MAPK10: variants seen among roughly 807,000 people sequenced by gnomAD.
MAPK10 encodes the protein mitogen-activated protein kinase 10.
MAPK10 carries 25 observed loss-of-function variants against 59.3 expected under a neutral mutation model. The observed-to-expected ratio is 0.42, with a 90% CI of 0.31 to 0.59. The LOEUF is 0.59. Ranked by LOEUF, MAPK10 falls within the 20% of genes least tolerant of loss-of-function variation. The pLI, the probability that MAPK10 is intolerant of heterozygous loss-of-function variation, is 0.15. For synonymous variants in MAPK10, 190 were observed against 200.5 expected, an observed-to-expected ratio of 0.95 and a Z score of 0.44; for missense variants, 351 against 568.9, an observed-to-expected ratio of 0.62 and a Z score of 3.90.
At chr4:86,579,376 C>A (rs979426592) in intron 1 of MAPK10, among the ~76,000 whole-genome samples, 17 of 152,070 alleles carry the variant, frequency 1.1e-4, no homozygotes, top group African/African-American at 4.1e-4. Flanking sequence ...TAAAAGATAT[C>A]AGCATACAGT....
chr4:86,037,763 A>G (rs916492332), intron 11 of MAPK10, among the ~76,000 whole-genome samples: 7 of 152,252 alleles, frequency 4.6e-5, no homozygotes, highest in Admixed American at 6.5e-5. Context: ...CTGAGAAAGC[A>G]TAAGTGATTT....
At chr4:86,050,038 A>G (rs1351723946) in intron 11 of MAPK10, among the ~76,000 whole-genome samples, 1 of 152,032 alleles carries the variant, frequency 6.6e-6, no homozygotes, top group African/African-American at 2.4e-5. Flanking sequence ...ATTAACTCAT[A>G]GTTCCCCAGG....
At chr4:86,473,771 C>T (rs1446773893) in intron 1 of MAPK10, among the ~76,000 whole-genome samples, 5 of 152,192 alleles carry the variant, frequency 3.3e-5, no homozygotes, top group African/African-American at 1.2e-4. Flanking sequence ...ATGTCTGTGA[C>T]TACAGAAAAT....
rs563636407 is a variant in MAPK10 at position 86,381,780 on chromosome 4, G to A, written c.-121-27136C>T. Among the ~76,000 whole-genome samples the A allele has an allele frequency of 1.1e-4, 16 of 152,194 alleles. No homozygotes were observed. In the East Asian group the frequency reaches 2.1e-3, roughly 20 times the overall value. Reference sequence around the variant, plus strand: ...GAGGTGCATTTATTTACACAGGGACGGTTTACAAACATGTGGGTATAGAGG... The same window carrying A: ...GAGGTGCATTTATTTACACAGGGACAGTTTACAAACATGTGGGTATAGAGG... On this transcript the variant is annotated intron_variant, in intron 1 of 13. Transcript: ENST00000361569.
At position 86,101,974 on chromosome 4, in the gene MAPK10, C is replaced by A. The variant is rs1179813677; in HGVS notation, c.484G>T (p.Asp162Tyr). ...AGCAGGTAAGACATTCGCTCATGGT[C>A]TAATTCCATCTGAATCACTTGACAT... is the stretch of plus-strand genomic sequence containing the variant. ...NLCQVIQMELDHERMSYLLYQ... is the reference protein window; with the variant it reads ...NLCQVIQMELYHERMSYLLYQ... The change falls in exon 7 of 14, where the codon GAC (aspartate) becomes TAC (tyrosine). Residue 162 changes from aspartate (D) to tyrosine (Y), a missense_variant. Physicochemically the swap from Asp to Tyr is radical, Grantham distance 160 (BLOSUM62 -3). This residue lies in a region of MAPK10 where 76 missense variants were observed against 197.9 expected (regional missense o/e 0.38). Coordinates refer to ENST00000641462, the MANE Select transcript of MAPK10 (RefSeq NM_138982.4). The A allele has an allele frequency of 6.2e-7, 1 of 1,613,968 alleles. No homozygotes were observed. The highest frequency in any genetic ancestry group is 1.3e-5 in the African/African-American group (1 of 75,026).
At chr4:86,113,840 C>T (rs1322462324) in intron 4 of MAPK10, among the ~76,000 whole-genome samples, 1 of 152,218 alleles carries the variant, frequency 6.6e-6, no homozygotes. Context: ...TCATCTCTTT[C>T]AGATGCTCCA....
chr4:86,221,655 TTTTGTTTG>T (rs563542504), intron 2 of MAPK10, among the ~76,000 whole-genome samples: 62 of 151,704 alleles, frequency 4.1e-4, no homozygotes, highest in African/African-American at 1.4e-3. Context: ...CCTGGCTGAT[TTTTGTTTG>T]TTTGTTTGTT....
At chr4:86,180,288 T>C (rs920898630) in intron 3 of MAPK10, among the ~76,000 whole-genome samples, 1 of 152,034 alleles carries the variant, frequency 6.6e-6, no homozygotes, top group Non-Finnish European at 1.5e-5. Flanking sequence ...TGATGTGTTA[T>C]TCTACCCCGG....
At position 86,290,968 on chromosome 4, in the gene MAPK10, A is replaced by G. The variant is rs917981607; in HGVS notation, c.-7+63562T>C. Among the ~76,000 whole-genome samples, 4 of 152,210 alleles carry G rather than the reference A, an allele frequency of 2.6e-5. No individual in the cohort carries two copies. The South Asian group carries it at 8.3e-4, about 31-fold the overall frequency. Reference sequence around the variant, plus strand: ...TTAGACTTTTATGATGCAAGAATATATAAGGCAGGGTCAACATTCTCAAGG... The same window carrying G: ...TTAGACTTTTATGATGCAAGAATATGTAAGGCAGGGTCAACATTCTCAAGG... On this transcript the variant is annotated intron_variant, in intron 2 of 13. Transcript: ENST00000641462.
chr4:86,483,286 C>A (rs1198524901), intron 1 of MAPK10, among the ~76,000 whole-genome samples: 3 of 151,948 alleles, frequency 2.0e-5, no homozygotes, highest in Non-Finnish European at 4.4e-5. Context: ...TTGAAATGCC[C>A]ATATTTTAGG....
chr4:86,067,852 G>C lies in MAPK10; in HGVS notation c.906C>G (p.Pro302=). 6.2e-7 allele frequency: 1 copy of C among 1,614,034 alleles called. No homozygotes were observed. The highest frequency in any genetic ancestry group is 1.1e-5 in the South Asian group (1 of 91,072). Residue 302 remains proline, a synonymous_variant, in exon 10 of 14, where the codon CCC becomes CCG. Coordinates refer to ENST00000641462, the MANE Select transcript of MAPK10 (RefSeq NM_138982.4). ...PTVRNYVENR[P]KYAGLTFPKL... is the part of the protein sequence containing the mutation. ...TGGGGAAGGTGAGTCCCGCATACTT[G>C]GGCCGATTCTCCACATAGTTTCTTA...
chr4:86,541,204 G>A (rs1271169807), intron 1 of MAPK10, among the ~76,000 whole-genome samples: 2 of 152,154 alleles, frequency 1.3e-5, no homozygotes, highest in African/African-American at 4.8e-5. Flanking sequence ...GGGAGTGGGG[G>A]CAGGGGAGAC....
intron 1 of MAPK10, among the ~76,000 whole-genome samples, chr4:86,503,461 C>T (rs1415267840): frequency 6.6e-6 from 1 of 152,120 alleles, no homozygotes; most frequent in African/African-American, 2.4e-5. Flanking sequence ...AAGTACCACA[C>T]TGATGGTATC....
chr4:86,409,107 G>C (rs1307158874), intron 1 of MAPK10, among the ~76,000 whole-genome samples: 3 of 152,156 alleles, frequency 2.0e-5, no homozygotes, highest in Non-Finnish European at 4.4e-5. Context: ...TCCAGTTTCA[G>C]CTTTCTACAT....
intron 1 of MAPK10, among the ~76,000 whole-genome samples, chr4:86,576,439 A>C (rs977074460): frequency 3.9e-5 from 6 of 152,250 alleles, no homozygotes; most frequent in Middle Eastern, 3.4e-3. Flanking sequence ...ACATTTCTTA[A>C]ACTGAAAGAC....
At chr4:86,193,552 T>C (rs2080453655) in intron 3 of MAPK10, 1 of 152,326 alleles carries the variant, frequency 6.6e-6, no homozygotes, top group South Asian at 2.1e-4. Context: ...GTTTACACTG[T>C]GAGGGGAAAA....
intron 2 of MAPK10, among the ~76,000 whole-genome samples, chr4:86,215,793 C>T (rs12331772): frequency 0.03 from 4,554 of 152,124 alleles, 156 homozygotes; most frequent in African/African-American, 0.084. Flanking sequence ...ACCCGGGAGG[C>T]GGAGGTTGCA....
intron 11 of MAPK10, among the ~76,000 whole-genome samples, chr4:86,058,325 T>C (rs2148974579): frequency 6.7e-6 from 1 of 149,660 alleles, no homozygotes; most frequent in East Asian, 1.9e-4. Context: ...CTGGACACAT[T>C]TGCCCACAGA....
At chr4:86,077,753 A>G (rs1181559954) in intron 9 of MAPK10, among the ~76,000 whole-genome samples, 3 of 152,184 alleles carry the variant, frequency 2.0e-5, no homozygotes, top group Non-Finnish European at 4.4e-5. Flanking sequence ...TCTCTAAATT[A>G]TTAGCTATGT....
Sources: allele counts gnomAD v4.1 joint callset (sites outside exome capture counted in the v4.1 genomes callset), GRCh38; gene constraint gnomAD v4.1.1; regional missense constraint gnomAD v4.1.1; transcripts MANE v1.5; gene names NCBI Gene and HGNC (gene_info 2026-07-23, HGNC 2026-07-21).